Variants in VPS13C observed in about 807,000 individuals in gnomAD.
VPS13C encodes vacuolar protein sorting 13 homolog C, also known as intermembrane lipid transfer protein VPS13C.
VPS13C carries 358 observed loss-of-function variants against 456.8 expected under a neutral mutation model. That is an observed-to-expected ratio of 0.78 (90% CI 0.72 to 0.86). VPS13C has a LOEUF of 0.86. Ranked by LOEUF, VPS13C falls within the 40% of genes least tolerant of loss-of-function variation. The pLI is 0.00. For synonymous variants in VPS13C, 1,578 were observed against 1,486.7 expected (o/e 1.06, Z -1.41); for missense variants, 4,818 against 4,385.4 (o/e 1.10, Z -2.79).
chr15:61,857,718 G>A (rs942119182), intron 82 of VPS13C, among the ~76,000 whole-genome samples: 24 of 152,218 alleles, frequency 1.6e-4, no homozygotes, highest in African/African-American at 4.8e-4. Context: ...AGGAAGTTAC[G>A]GCAATATAAA....
chr15:62,059,667 AATAT>A (rs1049482944), intron 1 of VPS13C, among the ~76,000 whole-genome samples: 1 of 152,198 alleles, frequency 6.6e-6, no homozygotes, highest in Non-Finnish European at 1.5e-5. Context: ...CGGAAAAGTA[AATAT>A]TAAAGGAAGA....
chr15:61,996,596 A>C (rs1488036948), intron 16 of VPS13C, among the ~76,000 whole-genome samples: 1 of 152,136 alleles, frequency 6.6e-6, no homozygotes, highest in Non-Finnish European at 1.5e-5. Context: ...ACTATAGTAC[A>C]TGACATAAAG....
chr15:62,010,241 A>T (rs2046994472), intron 13 of VPS13C, among the ~76,000 whole-genome samples: 2 of 152,154 alleles, frequency 1.3e-5, no homozygotes. Context: ...AAATAATGTC[A>T]TTCCCTGCAG....
intron 18 of VPS13C, among the ~76,000 whole-genome samples, chr15:61,986,445 C>G (rs1259285936): frequency 2.0e-5 from 3 of 151,802 alleles, no homozygotes; most frequent in Admixed American, 1.3e-4. Context: ...GGAAACTAAC[C>G]AAAGAATAAA....
At position 61,854,856 on chromosome 15, in the gene VPS13C, C is replaced by T; in HGVS notation, c.11160+15G>A. 1 of 1,595,490 alleles carries T rather than the reference C, an allele frequency of 6.3e-7. No individual in the cohort carries two copies. Among genetic ancestry groups the T allele is most frequent in the Non-Finnish European group, 8.5e-7 (1 of 1,175,122 alleles). On this transcript the variant is annotated intron_variant, in intron 84 of 84. Transcript: ENST00000644861. ...CAGCTAAAAAAAATTGAGGCATGCT[C>T]TTTAAATTGTTTACCTCTGCTGTGG... is the stretch of plus-strand genomic sequence containing the variant.
Position 62,033,681 on chromosome 15 carries a change from G to A in VPS13C, c.284-139C>T, listed in dbSNP as rs961717417. ...AATACTTTCACATTTTTAGTTTTAC[G>A]AAACATTTAAACATAAATTATTCCT... On this transcript the variant is annotated intron_variant, in intron 4 of 84. Transcript: ENST00000644861. 48 of 477,320 alleles carry A rather than the reference G, an allele frequency of 1.0e-4. 1 individual carries two copies. The highest frequency in any genetic ancestry group is 7.9e-4 in the African/African-American group (39 of 49,366). The allele number at this position is 477,320 out of a possible 1,614,324, so 29.6% of individuals were successfully genotyped here. A position where few individuals can be genotyped will look rare whatever the true frequency, so the allele number is the denominator to read the frequency against.
In VPS13C at chr15:61,981,356, A is replaced by C; in HGVS notation, c.2152T>G (p.Phe718Val). The stretch of plus-strand genomic sequence containing the variant: ...TATATACCTACCTGAAATGTACCAA[A>C]ATCTAAAATCAGAAGATCTGACTTT... ...HEKSDLLILD[F>V]GTFQLNSKDQ... Residue 718 changes from phenylalanine to valine, a missense_variant, in exon 22 of 85, where the codon TTT (phenylalanine) becomes GTT (valine). Phe to Val is a conservative substitution (Grantham distance 50, BLOSUM62 -1). Around this residue, in one of 3 missense-constraint regions of VPS13C, gnomAD observed 4,552 missense variants for 4,130.6 expected, o/e 1.10. Coordinates refer to ENST00000644861, the MANE Select transcript of VPS13C (RefSeq NM_020821.3). 1.2e-6 allele frequency: 2 copies of C among 1,609,586 alleles called. No homozygotes were observed. Among genetic ancestry groups the C allele is most frequent in the Non-Finnish European group, 1.7e-6 (2 of 1,178,660 alleles).
Position 61,946,324 on chromosome 15 carries a change from G to A in VPS13C, c.4963C>T (p.Gln1655Ter). 6.3e-7 allele frequency: 1 copy of A among 1,594,832 alleles called. No homozygotes were observed. The highest frequency in any genetic ancestry group is 8.5e-7 in the Non-Finnish European group (1 of 1,173,612). ...TTAATCACCTTTTTGTGAATGGACT[G>A]CAAATCTACATTCATAACTATAATA... Reference protein sequence around the residue: ...KDIIVMNVDLQSIHKKAVSIL... With the variant: ...KDIIVMNVDL The change falls in exon 44 of 85, where the codon CAG (glutamine) becomes TAG (stop). Residue 1655 changes from glutamine to a stop codon, truncating the protein, a stop_gained. Coordinates refer to ENST00000644861, the MANE Select transcript of VPS13C (RefSeq NM_020821.3). LOFTEE classifies it high-confidence loss of function.
chr15:62,009,837 A>T (rs1000894671), intron 13 of VPS13C, among the ~76,000 whole-genome samples: 3 of 152,200 alleles, frequency 2.0e-5, no homozygotes, highest in Non-Finnish European at 2.9e-5. Flanking sequence ...TTAAAGAAAC[A>T]ATATTTAATA....
At chr15:61,904,140 T>G (rs574329936) in intron 66 of VPS13C, among the ~76,000 whole-genome samples, 2 of 152,148 alleles carry the variant, frequency 1.3e-5, no homozygotes, top group East Asian at 3.9e-4. Flanking sequence ...TAGGATTACA[T>G]TAAGCTAAAA....
At chr15:61,957,503 G>T (rs768287817) in intron 37 of VPS13C, among the ~76,000 whole-genome samples, 1 of 151,952 alleles carries the variant, frequency 6.6e-6, no homozygotes, top group Non-Finnish European at 1.5e-5. Flanking sequence ...ATGGCATACC[G>T]GTTTTCACTT....
Position 61,934,321 on chromosome 15 carries a change from A to G in VPS13C, c.5766T>C (p.Asp1922=), listed in dbSNP as rs781133653. ...SVPDHLKEQE[D]WTDSKLSMNQ... ...TCATAGAGAGCTTTGAGTCTGTCCA[A>G]TCTTCTTGTTCTAATGGTGAAAATT... The change falls in exon 49 of 85, where the codon GAT becomes GAC. Residue 1922 remains aspartate, a synonymous_variant. Coordinates refer to ENST00000644861, the MANE Select transcript of VPS13C (RefSeq NM_020821.3). 9.7e-6 allele frequency: 15 copies of G among 1,548,248 alleles called. No homozygotes were observed. Among genetic ancestry groups the G allele is most frequent in the South Asian group, 6.5e-5 (5 of 77,014 alleles).
Position 61,881,645 on chromosome 15 carries a change from A to C in VPS13C, c.9707-13T>G. ...AAAGGCTTGGGCTCTAAGAGGAAGA[A>C]GTAACACATAAAAAAAAATAATGCT... On this transcript the variant is annotated splice_polypyrimidine_tract_variant and intron_variant, in intron 70 of 84. Coordinates refer to ENST00000644861, the MANE Select transcript of VPS13C (RefSeq NM_020821.3). The C allele has an allele frequency of 2.5e-6, 4 of 1,609,444 alleles. No homozygotes were observed. Among genetic ancestry groups the C allele is most frequent in the Non-Finnish European group, 3.4e-6 (4 of 1,178,516 alleles).
In VPS13C at chr15:61,884,245, T is replaced by C. The variant is rs763173400; in HGVS notation, c.9366A>G (p.Lys3122=). The C allele has an allele frequency of 1.9e-6, 3 of 1,611,094 alleles. No homozygotes were observed. Among genetic ancestry groups the C allele is most frequent in the Non-Finnish European group, 2.5e-6 (3 of 1,178,910 alleles). Reference sequence around the variant, plus strand: ...TAAATGGCTTCCATTTCTGCTTTGGTTTCACCTCCCAAACAACACCAGAAC... The same window carrying C: ...TAAATGGCTTCCATTTCTGCTTTGGCTTCACCTCCCAAACAACACCAGAAC... ...ITSSGVVWEV[K]PKQKWKPFSQ... Residue 3122 remains lysine, a synonymous_variant, in exon 68 of 85, where the codon AAA becomes AAG. Coordinates refer to ENST00000644861, the MANE Select transcript of VPS13C (RefSeq NM_020821.3).
chr15:61,861,177 G>A (rs1894207778), intron 82 of VPS13C, among the ~76,000 whole-genome samples: 1 of 151,794 alleles, frequency 6.6e-6, no homozygotes, highest in Non-Finnish European at 1.5e-5. Context: ...TGGCCAGGCT[G>A]GTCTCGAACT....
chr15:62,015,775 G>T (rs959117075), intron 9 of VPS13C, among the ~76,000 whole-genome samples: 2 of 116,146 alleles, frequency 1.7e-5, no homozygotes, highest in African/African-American at 6.7e-5. Context: ...GGGGACTGTG[G>T]TGGGGTCGGG....
At chr15:61,874,551 T>C (rs2140885577) in intron 77 of VPS13C, among the ~76,000 whole-genome samples, 1 of 152,182 alleles carries the variant, frequency 6.6e-6, no homozygotes, top group Non-Finnish European at 1.5e-5. Context: ...TAGCATGCAA[T>C]TGCTTTAAAC....
intron 9 of VPS13C, among the ~76,000 whole-genome samples, chr15:62,015,841 C>A (rs1596479914): frequency 7.2e-6 from 1 of 137,992 alleles, no homozygotes; most frequent in Non-Finnish European, 1.6e-5. Context: ...CTAGATGACA[C>A]GTTAGTGGGT....
At chr15:61,999,612 G>A (rs1381201442) in intron 16 of VPS13C, among the ~76,000 whole-genome samples, 1 of 151,894 alleles carries the variant, frequency 6.6e-6, no homozygotes, top group Non-Finnish European at 1.5e-5. Flanking sequence ...GAGTGTTTTT[G>A]TTTTATTTAT....
Sources: allele counts gnomAD v4.1 joint callset (sites outside exome capture counted in the v4.1 genomes callset), GRCh38; gene constraint gnomAD v4.1.1; regional missense constraint gnomAD v4.1.1; transcripts MANE v1.5; gene names NCBI Gene and HGNC (gene_info 2026-07-23, HGNC 2026-07-21).